The following CAMK4 variants were observed in gnomAD, a reference collection of about 807,000 sequenced individuals.
CAMK4 encodes calcium/calmodulin dependent protein kinase IV.
CAMK4 carries 22 observed loss-of-function variants against 44.9 expected under a neutral mutation model. The ratio of observed to expected loss-of-function variants is 0.49; its 90% CI spans 0.35 to 0.70. CAMK4 has a LOEUF of 0.70. Among genes scored for constraint, CAMK4 ranks in the 30% least tolerant of loss-of-function variants. The probability of loss-of-function intolerance (pLI) is 0.01; values close to 1 mark genes in which losing one functional copy is unlikely to be tolerated. For synonymous variants in CAMK4, 218 were observed against 215.4 expected (o/e 1.01, Z -0.11); for missense variants, 498 against 586.8 (o/e 0.85, Z 1.56).
chr5:111,273,677 T>TTA (rs1160351356), intron 1 of CAMK4, among the ~76,000 whole-genome samples: 2,256 of 40,704 alleles, frequency 0.055, 95 homozygotes, highest in Middle Eastern at 0.083. Context: ...AAAAATGCAT[T>TTA]TATATATATA....
chr5:111,240,100 G>GT (rs952888268), intron 1 of CAMK4, among the ~76,000 whole-genome samples: 22 of 151,736 alleles, frequency 1.4e-4, no homozygotes, highest in African/African-American at 4.6e-4. Flanking sequence ...ATAATTTTTA[G>GT]TTTTTTTTCT....
intron 9 of CAMK4, among the ~76,000 whole-genome samples, chr5:111,480,619 A>T (rs565646151): frequency 2.6e-4 from 40 of 152,196 alleles, no homozygotes; most frequent in Non-Finnish European, 5.1e-4. Flanking sequence ...ACACACCTGG[A>T]TTTAAGTGCC....
At chr5:111,383,998 A>G (rs1751509127) in intron 4 of CAMK4, among the ~76,000 whole-genome samples, 4 of 152,186 alleles carry the variant, frequency 2.6e-5, no homozygotes, top group South Asian at 4.1e-4. Flanking sequence ...AGGTCTGGAA[A>G]TTGAAGTGTG....
rs1278882505 is a variant in CAMK4, at chr5:111,388,656, C to G, written c.387-6054C>G. On this transcript the variant is annotated intron_variant, in intron 4 of 10. Coordinates refer to ENST00000282356, the MANE Select transcript of CAMK4 (RefSeq NM_001744.6). ...TAACTCTATCACATCATTTAGCACA[C>G]TGTGTTGAATGTTGTCTGTCTACTT... Among the ~76,000 whole-genome samples, 3 of 152,180 alleles carry G rather than the reference C, an allele frequency of 2.0e-5. No homozygotes were observed. The East Asian group carries it at 5.8e-4, about 29-fold the overall frequency.
chr5:111,352,927 T>C (rs944734853), intron 2 of CAMK4, among the ~76,000 whole-genome samples: 4 of 152,058 alleles, frequency 2.6e-5, no homozygotes, highest in Admixed American at 2.6e-4. Flanking sequence ...TATCTAGCTT[T>C]GCCCAGGATT....
rs1239526183 is a variant in CAMK4 at position 111,224,657 on chromosome 5, C to A, written c.161+13C>A. The A allele has an allele frequency of 6.9e-6, 11 of 1,597,450 alleles. No homozygotes were observed. In the South Asian group the frequency reaches 1.2e-4, roughly 18 times the overall value. On this transcript the variant is annotated intron_variant, in intron 1 of 10. Coordinates refer to ENST00000282356, the MANE Select transcript of CAMK4 (RefSeq NM_001744.6). The surrounding 1 kb of genome is among the most constrained non-coding windows in gnomAD (Gnocchi z 5.7). ...CGGAGCTGGGACGGTAAGGCGCGGG[C>A]TCCGGCTGGGGAAGCCCGCGGCGTG... is the stretch of plus-strand genomic sequence containing the variant.
chr5:111,224,350 C>T (rs1748053951), upstream of CAMK4: 11 of 1,256,420 alleles, frequency 8.8e-6, no homozygotes, highest in Non-Finnish European at 1.0e-5. The surrounding 1 kb of genome is among the most constrained non-coding windows in gnomAD (Gnocchi z 5.7). Flanking sequence ...CGGGCGGCGG[C>T]GGTGGGCGTG....
intron 1 of CAMK4, among the ~76,000 whole-genome samples, chr5:111,274,685 A>G (rs572947702): frequency 3.3e-5 from 5 of 152,322 alleles, no homozygotes; most frequent in African/African-American, 1.2e-4. Flanking sequence ...GGTTATACCA[A>G]TTTATTCCCT....
intron 1 of CAMK4, among the ~76,000 whole-genome samples, chr5:111,277,913 CTGTCA>C (rs1485672621): frequency 1.3e-5 from 2 of 151,964 alleles, no homozygotes; most frequent in African/African-American, 4.8e-5. Context: ...AAATTCAGTA[CTGTCA>C]TAAGTAATGT....
At chr5:111,321,485 ATATT>A (rs1748660651) in intron 1 of CAMK4, among the ~76,000 whole-genome samples, 1 of 148,268 alleles carries the variant, frequency 6.7e-6, no homozygotes, top group African/African-American at 2.5e-5. Flanking sequence ...CAGTTTCTTA[ATATT>A]AAATGCTAGA....
chr5:111,386,391 C>G (rs1751603686), intron 4 of CAMK4, among the ~76,000 whole-genome samples: 1 of 152,186 alleles, frequency 6.6e-6, no homozygotes, highest in Non-Finnish European at 1.5e-5. Context: ...TCACATAAAC[C>G]TAGTCATCTA....
At chr5:111,308,279 A>C (rs1214519925) in intron 1 of CAMK4, among the ~76,000 whole-genome samples, 2 of 152,144 alleles carry the variant, frequency 1.3e-5, no homozygotes, top group Admixed American at 1.3e-4. Flanking sequence ...AAATGTATCA[A>C]AACTAGTTCT....
intron 1 of CAMK4, among the ~76,000 whole-genome samples, chr5:111,288,579 C>T: frequency 6.6e-6 from 1 of 152,038 alleles, no homozygotes; most frequent in East Asian, 1.9e-4. Flanking sequence ...TTTATGAAGC[C>T]CCTATTCAGA....
intron 2 of CAMK4, among the ~76,000 whole-genome samples, chr5:111,368,783 C>T (rs1750892391): frequency 6.6e-6 from 1 of 152,020 alleles, no homozygotes; most frequent in South Asian, 2.1e-4. Flanking sequence ...CCTTACTTTT[C>T]TCCATGTTCC....
At chr5:111,465,758 T>G (rs1053019366) in intron 7 of CAMK4, among the ~76,000 whole-genome samples, 3 of 152,324 alleles carry the variant, frequency 2.0e-5, no homozygotes, top group Non-Finnish European at 2.9e-5. Context: ...GATTCACAGC[T>G]GAATTCTATC....
chr5:111,344,326 T>C (rs904169614), intron 2 of CAMK4, among the ~76,000 whole-genome samples: 2 of 151,622 alleles, frequency 1.3e-5, no homozygotes, highest in East Asian at 1.9e-4. Context: ...GGGGAGAAGA[T>C]TGGCAAGGAA....
chr5:111,225,880 A>G (rs1293440363), intron 1 of CAMK4, among the ~76,000 whole-genome samples: 1 of 152,230 alleles, frequency 6.6e-6, no homozygotes, highest in Non-Finnish European at 1.5e-5. Context: ...TGAATAATGT[A>G]TACATAAACA....
At chr5:111,346,362 T>G (rs1306583773) in intron 2 of CAMK4, among the ~76,000 whole-genome samples, 1 of 152,002 alleles carries the variant, frequency 6.6e-6, no homozygotes, top group African/African-American at 2.4e-5. Flanking sequence ...TTTCTTGGCC[T>G]TCAAAAATGG....
intron 5 of CAMK4, among the ~76,000 whole-genome samples, chr5:111,403,984 C>T (rs1444876873): frequency 6.6e-6 from 1 of 152,104 alleles, no homozygotes; most frequent in African/African-American, 2.4e-5. Context: ...GCCTCTATTT[C>T]TTATAAAAGG....
Sources: gnomAD v4.1 joint callset for allele counts (sites outside exome capture counted in the v4.1 genomes callset) on GRCh38, gnomAD v4.1.1 for gene constraint, Gnocchi (gnomAD v3.1) non-coding constraint, MANE v1.5 for transcripts, NCBI Gene and HGNC (gene_info 2026-07-23, HGNC 2026-07-21) for gene names.